Variants in PPP4R3B observed in about 807,000 individuals in gnomAD.
PPP4R3B encodes serine/threonine-protein phosphatase 4 regulatory subunit 3B.
In PPP4R3B, 52 loss-of-function variants were observed where a neutral mutation model predicts 95.4. The ratio of observed to expected loss-of-function variants is 0.54; its 90% CI spans 0.44 to 0.69. The LOEUF (loss-of-function observed/expected upper bound fraction) is 0.69, where lower values mean the gene tolerates loss of function less well. PPP4R3B is among the 30% of genes least tolerant of loss of function. The pLI, the probability that PPP4R3B is intolerant of heterozygous loss-of-function variation, is 0.00. For missense variants in PPP4R3B, 1,003 were observed against 1,005.9 expected, an observed-to-expected ratio of 1.00 and a Z score of 0.04; for synonymous variants, 407 against 343.9, an observed-to-expected ratio of 1.18 and a Z score of -2.03.
chr2:55,578,130 T>C (rs1688937985), intron 10 of PPP4R3B, 117 bp downstream of exon 10: 1 of 1,038,104 alleles, frequency 9.6e-7, no homozygotes, highest in Admixed American at 4.3e-5. Flanking sequence ...TGCAGAATAA[T>C]ATGTATGACA....
chr2:55,586,530 T>C (rs772261697), intron 6 of PPP4R3B, 88 bp downstream of exon 6: 6 of 692,606 alleles, frequency 8.7e-6, no homozygotes, highest in Middle Eastern at 4.2e-4. Context: ...TAGAATTGAA[T>C]ATACATTATT....
chr2:55,606,803 C>T (rs973699068), intron 2 of PPP4R3B, among the ~76,000 whole-genome samples: 1 of 72,656 alleles, frequency 1.4e-5, no homozygotes, highest in Admixed American at 1.6e-4. Flanking sequence ...GCCTGGGGGA[C>T]AAAAGTGAGA....
intron 4 of PPP4R3B, 55 bp from the exon 5 acceptor site, chr2:55,589,011 C>T (rs1009875507): frequency 1.6e-5 from 17 of 1,059,880 alleles, no homozygotes; most frequent in Non-Finnish European, 2.3e-5. Context: ...AAGTTATACT[C>T]ATTTATATGA....
At chr2:55,568,443 C>A in intron 12 of PPP4R3B, 80 bp from the exon 13 acceptor site, 1 of 1,146,688 alleles carries the variant, frequency 8.7e-7, no homozygotes, top group Non-Finnish European at 1.2e-6. Flanking sequence ...CACCATAAAG[C>A]AATGTATATG....
At chr2:55,605,606 G>A (rs1429775536) in intron 2 of PPP4R3B, among the ~76,000 whole-genome samples, 1 of 152,002 alleles carries the variant, frequency 6.6e-6, no homozygotes. Flanking sequence ...TCACTCCTTT[G>A]TCTAAAATCC....
intron 4 of PPP4R3B, among the ~76,000 whole-genome samples, chr2:55,597,598 G>T (rs1039408932): frequency 1.3e-5 from 2 of 150,198 alleles, no homozygotes; most frequent in Non-Finnish European, 2.9e-5. Flanking sequence ...CTTCAGCCTG[G>T]GCGACCGAGC....
At chr2:55,579,855 C>G in intron 8 of PPP4R3B, 74 bp from the exon 9 acceptor site, 2 of 882,424 alleles carry the variant, frequency 2.3e-6, no homozygotes, top group Admixed American at 2.7e-5. Flanking sequence ...GCAGTACATA[C>G]CTTTTCCAGA....
At chr2:55,571,166 C>T (rs1687947845) in intron 12 of PPP4R3B, among the ~76,000 whole-genome samples, 1 of 151,918 alleles carries the variant, frequency 6.6e-6, no homozygotes, top group Admixed American at 6.6e-5. Context: ...AAAAATTAGC[C>T]AGGTGTGGTG....
intron 16 of PPP4R3B, among the ~76,000 whole-genome samples, chr2:55,555,593 A>G (rs189606602): frequency 1.5e-3 from 234 of 152,328 alleles, no homozygotes; most frequent in Non-Finnish European, 2.7e-3. Flanking sequence ...GCACACCTGT[A>G]ATCCTAGAAC....
At chr2:55,571,203 G>A (rs746721481) in intron 12 of PPP4R3B, among the ~76,000 whole-genome samples, 2 of 151,866 alleles carry the variant, frequency 1.3e-5, no homozygotes, top group South Asian at 2.1e-4. Context: ...CCAGCTACTC[G>A]AAAGGCTGAG....
Position 55,547,785 on chromosome 2 carries a change from G to T in PPP4R3B, c.*2126C>A, listed in dbSNP as rs1684871087. The T allele has an allele frequency of 6.6e-6, 1 of 152,188 alleles. No individual in the cohort carries two copies. The highest frequency in any genetic ancestry group is 2.4e-5 in the African/African-American group (1 of 41,432). 9.4% of individuals were successfully genotyped at this position (152,188 alleles called of 1,614,324 possible). Reference sequence around the variant, plus strand: ...GAAAATACAAAAATTAGCCTGGCATGGTGACGGGCACCTGTAATCCCAGCT... The same window carrying T: ...GAAAATACAAAAATTAGCCTGGCATTGTGACGGGCACCTGTAATCCCAGCT... On this transcript the variant is annotated 3_prime_UTR_variant, in exon 17 of 17. Coordinates refer to ENST00000616407, the MANE Select transcript of PPP4R3B (RefSeq NM_001122964.3).
At chr2:55,598,144 C>T (rs1395545908) in intron 4 of PPP4R3B, among the ~76,000 whole-genome samples, 5 of 152,072 alleles carry the variant, frequency 3.3e-5, no homozygotes, top group African/African-American at 9.7e-5. Flanking sequence ...TGCTTGAACC[C>T]GGGAAGCGTA....
At chr2:55,588,857 G>A (rs747366747) in intron 5 of PPP4R3B, 22 bp downstream of exon 5, 2 of 1,539,456 alleles carry the variant, frequency 1.3e-6, no homozygotes, top group Admixed American at 1.7e-5. Context: ...TGCTCTTTAA[G>A]AGTTTGAATT....
chr2:55,564,356 A>G lies in PPP4R3B; in HGVS notation c.2217T>C (p.Asp739=). 6.2e-7 allele frequency: 1 copy of G among 1,613,398 alleles called. No homozygotes were observed. The highest frequency in any genetic ancestry group is 8.5e-7 in the Non-Finnish European group (1 of 1,179,796). The change falls in exon 15 of 17, where the codon GAT becomes GAC. Residue 739 remains aspartate, a synonymous_variant. Coordinates refer to ENST00000616407, the MANE Select transcript of PPP4R3B (RefSeq NM_001122964.3). ...VAPVEKPKPE[D]DFPDNYEKFM... is the part of the protein sequence containing the mutation. ...ACTTTTCATAATTATCTGGAAAATC[A>G]TCTTCTGGCTTAGGTTTTTCCACTG...
intron 8 of PPP4R3B, among the ~76,000 whole-genome samples, chr2:55,580,919 T>A (rs1322307276): frequency 6.6e-6 from 1 of 152,196 alleles, no homozygotes; most frequent in African/African-American, 2.4e-5. Flanking sequence ...ATTTTTCCTT[T>A]TTTATGGTGA....
intron 1 of PPP4R3B, among the ~76,000 whole-genome samples, chr2:55,616,296 C>T (rs1471822143): frequency 1.3e-5 from 2 of 152,104 alleles, no homozygotes; most frequent in African/African-American, 4.8e-5. Flanking sequence ...AACAAAAGAA[C>T]ACCTTCTGTA....
chr2:55,558,795 T>A lies in PPP4R3B; in HGVS notation c.2434A>T (p.Thr812Ser). ...GSSSKTTNLP[T>S]SVTATKGSLV... The stretch of plus-strand genomic sequence containing the variant: ...CCTACCTTGGTGGCTGTTACTGACG[T>A]AGGCAAGTTTGTGGTTTTGGAAGAG... The change falls in exon 16 of 17, where the codon ACG becomes TCG. Residue 812 changes from threonine (T) to serine (S), a missense_variant. Thr to Ser is a moderately conservative substitution (Grantham distance 58). Coordinates refer to ENST00000616407, the MANE Select transcript of PPP4R3B (RefSeq NM_001122964.3). The A allele has an allele frequency of 6.2e-7, 1 of 1,611,340 alleles. No individual in the cohort carries two copies. The highest frequency in any genetic ancestry group is 8.5e-7 in the Non-Finnish European group (1 of 1,178,288).
intron 2 of PPP4R3B, 113 bp from the exon 3 acceptor site, chr2:55,604,189 T>A: frequency 1.5e-6 from 1 of 648,364 alleles, no homozygotes; most frequent in Non-Finnish European, 2.5e-6. Context: ...TGCCCCGATA[T>A]GAGTAATCAA....
At chr2:55,581,221 C>G (rs1327474872) in intron 8 of PPP4R3B, among the ~76,000 whole-genome samples, 2 of 152,052 alleles carry the variant, frequency 1.3e-5, no homozygotes, top group African/African-American at 4.8e-5. Context: ...CCACTGCACT[C>G]CAGCCTGGTG....
Sources: gnomAD v4.1 joint callset for allele counts (sites outside exome capture counted in the v4.1 genomes callset) on GRCh38, gnomAD v4.1.1 for gene constraint, MANE v1.5 for transcripts, NCBI Gene and HGNC (gene_info 2026-07-23, HGNC 2026-07-21) for gene names.